Variants in CDC20B observed in about 807,000 individuals in gnomAD.
The protein encoded by CDC20B is cell division cycle protein 20 homolog B.
In CDC20B, 58 loss-of-function variants were observed where a neutral mutation model predicts 64.1. The observed-to-expected ratio is 0.90, with a 90% CI of 0.73 to 1.13. CDC20B has a LOEUF of 1.13. Among genes scored for constraint, CDC20B ranks in the 50% most tolerant of loss-of-function variants. The pLI is 0.00. For missense variants in CDC20B, 597 were observed against 633.0 expected (o/e 0.94, Z 0.61); for synonymous variants, 243 against 230.6 (o/e 1.05, Z -0.49).
At chr5:55,154,041 G>A (rs2111910527) in intron 2 of CDC20B, among the ~76,000 whole-genome samples, 1 of 152,292 alleles carries the variant, frequency 6.6e-6, no homozygotes, top group Non-Finnish European at 1.5e-5. Context: ...AACACATCTG[G>A]AGAACCACGT....
At chr5:55,160,452 C>T in intron 2 of CDC20B, 2 of 1,416,724 alleles carry the variant, frequency 1.4e-6, no homozygotes, top group Non-Finnish European at 2.0e-6. Context: ...TCTGTTTATT[C>T]CTCTTAATAA....
chr5:55,131,059 C>T (rs1056950985), intron 6 of CDC20B, among the ~76,000 whole-genome samples: 1 of 152,092 alleles, frequency 6.6e-6, no homozygotes, highest in Non-Finnish European at 1.5e-5. Flanking sequence ...GAGGTAGAGG[C>T]CACAGTAAGC....
chr5:55,150,332 A>C (rs1480145580), intron 2 of CDC20B, among the ~76,000 whole-genome samples: 2 of 152,182 alleles, frequency 1.3e-5, no homozygotes, highest in Non-Finnish European at 2.9e-5. Flanking sequence ...CTCTAAATGA[A>C]AGATAGGAAG....
At chr5:55,171,633 G>T (rs1404444554) in intron 2 of CDC20B, among the ~76,000 whole-genome samples, 1 of 152,016 alleles carries the variant, frequency 6.6e-6, no homozygotes, top group Non-Finnish European at 1.5e-5. Flanking sequence ...GGCAGGGTCT[G>T]GCTCTGTCCT....
intron 2 of CDC20B, among the ~76,000 whole-genome samples, chr5:55,171,210 G>C (rs1744587580): frequency 6.6e-6 from 1 of 152,196 alleles, no homozygotes; most frequent in Non-Finnish European, 1.5e-5. Flanking sequence ...CTACTCAGGA[G>C]GCTGAGACAT....
intron 5 of CDC20B, among the ~76,000 whole-genome samples, chr5:55,134,648 G>A (rs1157564323): frequency 1.3e-5 from 2 of 152,124 alleles, no homozygotes; most frequent in Non-Finnish European, 2.9e-5. Flanking sequence ...TGTAGTCCCA[G>A]CTACTTGGGT....
At chr5:55,144,183 T>C (rs1478156875) in intron 3 of CDC20B, among the ~76,000 whole-genome samples, 1 of 152,146 alleles carries the variant, frequency 6.6e-6, no homozygotes. Context: ...TCACTTTGCC[T>C]CTCTCCCCCT....
chr5:55,164,189 GT>G, intron 2 of CDC20B: 1 of 1,563,160 alleles, frequency 6.4e-7, no homozygotes. Context: ...GGTTAGACAA[GT>G]GATCATAAAA....
intron 6 of CDC20B, among the ~76,000 whole-genome samples, chr5:55,130,028 C>T (rs1742989032): frequency 6.6e-6 from 1 of 152,106 alleles, no homozygotes; most frequent in South Asian, 2.1e-4. Context: ...GACTTTAAAG[C>T]AGCCATTATA....
chr5:55,120,997 G>A (rs1340690219), intron 9 of CDC20B, among the ~76,000 whole-genome samples: 2 of 152,132 alleles, frequency 1.3e-5, no homozygotes, highest in African/African-American at 2.4e-5. Context: ...AACTATATGT[G>A]ATTGCTCACA....
rs1415910124 is a variant in CDC20B at position 55,124,839 on chromosome 5, T to C, written c.1179A>G (p.Gln393=). 1.2e-6 allele frequency: 2 copies of C among 1,614,086 alleles called. No homozygotes were observed. The highest frequency in any genetic ancestry group is 1.3e-5 in the African/African-American group (1 of 74,932). ...TAGACTGGGTTATGACTTTCAGCGG[T>C]TGGCCCTGTGCACTGGCACCTGGAT... ...PHDPGASAQG[Q]PLKVITQSTA... is the part of the protein sequence containing the mutation. The change falls in exon 9 of 12, where the codon CAA becomes CAG. Residue 393 remains glutamine, a synonymous_variant. Transcript: ENST00000381375.
chr5:55,161,268 C>A (rs2111943939), intron 2 of CDC20B: 1 of 1,607,038 alleles, frequency 6.2e-7, no homozygotes, highest in East Asian at 2.2e-5. Flanking sequence ...AAATATCTGC[C>A]TTGCATATGC....
In CDC20B at chr5:55,113,992, G is replaced by A. The variant is rs943093914; in HGVS notation, c.*226C>T. On this transcript the variant is annotated 3_prime_UTR_variant, in exon 12 of 12. Coordinates refer to ENST00000381375, the MANE Select transcript of CDC20B (RefSeq NM_001170402.1). ...TAAGAATGGGAGGAAGAAGAGGAGG[G>A]GGAGGAAGAGGGGCAGAAAGAAGAA... The A allele has an allele frequency of 1.2e-4, 72 of 619,396 alleles. No individual in the cohort carries two copies. The highest frequency in any genetic ancestry group is 8.1e-5 in the South Asian group (3 of 36,882). 38.4% of individuals were successfully genotyped at this position (619,396 alleles called of 1,614,324 possible).
chr5:55,130,548 A>G (rs932779728), intron 6 of CDC20B, among the ~76,000 whole-genome samples: 56 of 152,332 alleles, frequency 3.7e-4, no homozygotes, highest in African/African-American at 1.3e-3. Flanking sequence ...TTCAACCCAG[A>G]ATTCTATATC....
chr5:55,146,742 G>A lies in CDC20B; in HGVS notation c.241C>T (p.Gln81Ter). The A allele has an allele frequency of 6.2e-7, 1 of 1,614,106 alleles. No homozygotes were observed. Among genetic ancestry groups the A allele is most frequent in the Non-Finnish European group, 8.5e-7 (1 of 1,180,018 alleles). The part of the protein sequence containing the change: ...SPITTRWQQS[Q>*]TRALSSDSFG... ...GAATCAGAGGACAGAGCCCTAGTTT[G>A]ACTTTGCTGCCACCTTGTGGTAATG... The change falls in exon 3 of 12, where the codon CAA becomes TAA. Residue 81 changes from glutamine (Q) to a stop codon, truncating the protein, a stop_gained. Transcript: ENST00000381375. LOFTEE classifies it high-confidence loss of function.
chr5:55,146,250 T>A (rs1447101516), intron 3 of CDC20B, among the ~76,000 whole-genome samples: 1 of 152,148 alleles, frequency 6.6e-6, no homozygotes, highest in Non-Finnish European at 1.5e-5. Flanking sequence ...TCAGACCACG[T>A]GCAAATAAGG....
At chr5:55,157,789 T>C (rs1743856828) in intron 2 of CDC20B, among the ~76,000 whole-genome samples, 1 of 152,176 alleles carries the variant, frequency 6.6e-6, no homozygotes, top group South Asian at 2.1e-4. Flanking sequence ...TTTATCAAAA[T>C]AATATCACCC....
rs1288422474 is a variant in CDC20B at position 55,113,088 on chromosome 5, GAGAGGTT to G, written c.*1123_*1129del. On this transcript the variant is annotated 3_prime_UTR_variant, in exon 12 of 12. Coordinates refer to ENST00000381375, the MANE Select transcript of CDC20B (RefSeq NM_001170402.1). ...TAACATCATTTCAAAACACTTCCTGGAGAGGTTAGGACTTGTGTGGGTGTGTAAAGGA... is the reference window on the plus strand; with the variant it reads ...TAACATCATTTCAAAACACTTCCTGGAGGACTTGTGTGGGTGTGTAAAGGA... The G allele has an allele frequency of 6.6e-6, 1 of 152,214 alleles. No homozygotes were observed. 9.4% of individuals were successfully genotyped at this position (152,214 alleles called of 1,614,324 possible). A position where few individuals can be genotyped will look rare whatever the true frequency, so the allele number is the denominator to read the frequency against.
At chr5:55,160,320 AAATC>A (rs754686056) in intron 2 of CDC20B, 1 of 1,613,990 alleles carries the variant, frequency 6.2e-7, no homozygotes, top group Non-Finnish European at 8.5e-7. Flanking sequence ...CTCAAACCTA[AAATC>A]AACAGCTTTT....
Sources: allele counts gnomAD v4.1 joint callset (sites outside exome capture counted in the v4.1 genomes callset), GRCh38; gene constraint gnomAD v4.1.1; transcripts MANE v1.5; gene names NCBI Gene and HGNC (gene_info 2026-07-23, HGNC 2026-07-21).